GPATCH11: variants seen among roughly 807,000 people sequenced by gnomAD.
GPATCH11 encodes G patch domain-containing protein 11.
GPATCH11 carries 32 observed loss-of-function variants against 44.8 expected under a neutral mutation model. That is an observed-to-expected ratio of 0.71 (90% CI 0.54 to 0.96). The LOEUF is 0.96. Among genes scored for constraint, GPATCH11 ranks in the 40% least tolerant of loss-of-function variants. The probability of loss-of-function intolerance (pLI) is 0.00; values close to 1 mark genes in which losing one functional copy is unlikely to be tolerated. For missense variants in GPATCH11, 324 were observed against 303.1 expected (o/e 1.07, Z -0.51); for synonymous variants, 84 against 94.4 (o/e 0.89, Z 0.64).
At chr2:37,093,606 A>G (rs1268934896) in intron 6 of GPATCH11, among the ~76,000 whole-genome samples, 1 of 152,202 alleles carries the variant, frequency 6.6e-6, no homozygotes, top group Non-Finnish European at 1.5e-5. Flanking sequence ...CTTAAAGACA[A>G]CTGCACAATT....
Sources: gnomAD v4.1 joint callset for allele counts (sites outside exome capture counted in the v4.1 genomes callset) on GRCh38, gnomAD v4.1.1 for gene constraint, MANE v1.5 for transcripts, NCBI Gene and HGNC (gene_info 2026-07-23, HGNC 2026-07-21) for gene names.